The following CSMD3 variants were observed in gnomAD, a reference collection of about 807,000 sequenced individuals.
The protein encoded by CSMD3 is CUB and sushi domain-containing protein 3.
CSMD3 carries 177 observed loss-of-function variants against 435.2 expected under a neutral mutation model. The ratio of observed to expected loss-of-function variants is 0.41; its 90% CI spans 0.36 to 0.46. CSMD3 has a LOEUF of 0.46. CSMD3 is among the 20% of genes least tolerant of loss of function. The pLI is 0.34. For synonymous variants in CSMD3, 1,656 were observed against 1,520.5 expected (o/e 1.09, Z -2.07); for missense variants, 4,265 against 4,504.6 (o/e 0.95, Z 1.52).
At chr8:113,280,961 G>C (rs985136545) in intron 2 of CSMD3, among the ~76,000 whole-genome samples, 2 of 151,922 alleles carry the variant, frequency 1.3e-5, no homozygotes, top group African/African-American at 4.8e-5. Flanking sequence ...TATTTGCATG[G>C]TATTGAGGGT....
chr8:113,323,165 T>C (rs1221122380), intron 1 of CSMD3, among the ~76,000 whole-genome samples: 1 of 152,202 alleles, frequency 6.6e-6, no homozygotes, highest in Non-Finnish European at 1.5e-5. Context: ...CTGAAATTAT[T>C]AGTTTACTCG....
intron 22 of CSMD3, among the ~76,000 whole-genome samples, chr8:112,607,464 G>C (rs1347950493): frequency 1.3e-5 from 2 of 151,966 alleles, no homozygotes; most frequent in African/African-American, 2.4e-5. Context: ...AGAGGAGAGA[G>C]CACATCCAGA....
chr8:112,468,595 T>C (rs1272043732), intron 32 of CSMD3, among the ~76,000 whole-genome samples: 1 of 152,098 alleles, frequency 6.6e-6, no homozygotes, highest in Non-Finnish European at 1.5e-5. Flanking sequence ...TTCTAAAGCA[T>C]GTTATCTATA....
chr8:112,346,567 C>A (rs1825687393), intron 40 of CSMD3, among the ~76,000 whole-genome samples: 1 of 151,150 alleles, frequency 6.6e-6, no homozygotes, highest in Admixed American at 6.6e-5. Context: ...TGTTTTGAAT[C>A]ATCCCAAAGA....
chr8:113,285,541 G>A (rs1331526500), intron 2 of CSMD3, among the ~76,000 whole-genome samples: 1 of 152,224 alleles, frequency 6.6e-6, no homozygotes, highest in Middle Eastern at 3.4e-3. Context: ...TTACAGGCGT[G>A]AGCCACCCCG....
intron 1 of CSMD3, chr8:113,376,668 C>G (rs1002144282): frequency 2.6e-5 from 41 of 1,572,344 alleles, no homozygotes; most frequent in Non-Finnish European, 3.0e-5. Context: ...GAGGCGCCAT[C>G]ATGGGAGTTG....
At chr8:112,939,633 A>C (rs933470822) in intron 9 of CSMD3, among the ~76,000 whole-genome samples, 1 of 152,076 alleles carries the variant, frequency 6.6e-6, no homozygotes, top group Non-Finnish European at 1.5e-5. Flanking sequence ...TTCAATTGTT[A>C]TAAAAAGTTG....
intron 11 of CSMD3, among the ~76,000 whole-genome samples, chr8:112,832,365 AG>A (rs1298464105): frequency 6.6e-6 from 1 of 152,180 alleles, no homozygotes; most frequent in Non-Finnish European, 1.5e-5. Flanking sequence ...GGAATATTAA[AG>A]ATGTGTAATT....
chr8:113,297,623 T>C (rs1011475015), intron 2 of CSMD3, among the ~76,000 whole-genome samples: 3 of 152,102 alleles, frequency 2.0e-5, no homozygotes, highest in East Asian at 1.9e-4. Context: ...AGAATATTTA[T>C]ATCATAATAG....
chr8:112,863,869 G>GA (rs5894112), intron 10 of CSMD3, among the ~76,000 whole-genome samples: 113,522 of 151,414 alleles, frequency 0.75, 43,358 homozygotes, highest in East Asian at 0.93. Context: ...AGTAGAAAAA[G>GA]AAAAAAAACC....
At chr8:112,313,040 A>T (rs1352482883) in intron 49 of CSMD3, among the ~76,000 whole-genome samples, 1 of 152,170 alleles carries the variant, frequency 6.6e-6, no homozygotes, top group Admixed American at 6.5e-5. Context: ...GACATGATTT[A>T]GAATGGTCTC....
chr8:112,886,406 G>A (rs556885438), intron 10 of CSMD3, among the ~76,000 whole-genome samples: 102 of 150,708 alleles, frequency 6.8e-4, no homozygotes, highest in African/African-American at 2.4e-3. Flanking sequence ...TCTAAAGAAG[G>A]CTAGATCAGT....
At chr8:112,961,599 T>A (rs1330298586) in intron 7 of CSMD3, among the ~76,000 whole-genome samples, 2 of 152,030 alleles carry the variant, frequency 1.3e-5, no homozygotes, top group East Asian at 3.9e-4. Flanking sequence ...CTTGGAAAAC[T>A]GAACAGAGTG....
chr8:113,089,947 C>T (rs1036437239), intron 5 of CSMD3, among the ~76,000 whole-genome samples: 2 of 151,988 alleles, frequency 1.3e-5, no homozygotes, highest in African/African-American at 4.8e-5. Context: ...TAACCATTAT[C>T]CCGTTTTGTA....
At chr8:112,783,483 G>A (rs867216336) in intron 13 of CSMD3, among the ~76,000 whole-genome samples, 18 of 61,114 alleles carry the variant, frequency 2.9e-4, no homozygotes, top group South Asian at 8.2e-4. Context: ...GGAAGGAAGG[G>A]AGAGAAGGGA....
At chr8:113,069,779 G>T (rs73334021) in intron 5 of CSMD3, among the ~76,000 whole-genome samples, 1 of 152,110 alleles carries the variant, frequency 6.6e-6, no homozygotes, top group African/African-American at 2.4e-5. Context: ...ACGGGTAGAA[G>T]ACATGCCACT....
At chr8:112,627,990 T>A (rs555826659) in intron 22 of CSMD3, among the ~76,000 whole-genome samples, 2 of 152,302 alleles carry the variant, frequency 1.3e-5, no homozygotes, top group East Asian at 3.9e-4. Flanking sequence ...AATTCAGATA[T>A]TTATCTCCTA....
intron 5 of CSMD3, among the ~76,000 whole-genome samples, chr8:113,053,995 G>T (rs2088208408): frequency 6.6e-6 from 1 of 152,024 alleles, no homozygotes; most frequent in Non-Finnish European, 1.5e-5. Flanking sequence ...ATGGTGGTCT[G>T]CCATGCCTCT....
chr8:113,267,672 A>G (rs947916665), intron 3 of CSMD3, among the ~76,000 whole-genome samples: 1 of 151,766 alleles, frequency 6.6e-6, no homozygotes, highest in East Asian at 1.9e-4. Context: ...GAATAAATTC[A>G]ATGTTTGATA....
Sources: gnomAD v4.1 joint callset for allele counts (sites outside exome capture counted in the v4.1 genomes callset) on GRCh38, gnomAD v4.1.1 for gene constraint, MANE v1.5 for transcripts, NCBI Gene and HGNC (gene_info 2026-07-23, HGNC 2026-07-21) for gene names.